Variants in CDK5RAP2 observed in about 807,000 individuals in gnomAD.
The protein encoded by CDK5RAP2 is CDK5 regulatory subunit-associated protein 2.
CDK5RAP2 carries 147 observed loss-of-function variants against 232.9 expected under a neutral mutation model. The ratio of observed to expected loss-of-function variants is 0.63; its 90% CI spans 0.55 to 0.72. The LOEUF is 0.72. Ranked by LOEUF, CDK5RAP2 falls within the 30% of genes least tolerant of loss-of-function variation. The pLI is 0.00. For missense variants in CDK5RAP2, 2,195 were observed against 2,231.5 expected, an observed-to-expected ratio of 0.98 and a Z score of 0.33; for synonymous variants, 833 against 833.7, an observed-to-expected ratio of 1.00 and a Z score of 0.01.
At chr9:120,438,087 A>G (rs1227572921) in intron 24 of CDK5RAP2, among the ~76,000 whole-genome samples, 1 of 152,254 alleles carries the variant, frequency 6.6e-6, no homozygotes, top group African/African-American at 2.4e-5. Flanking sequence ...TTACAGAAGA[A>G]TAAACTGACT....
At chr9:120,437,635 C>A in intron 24 of CDK5RAP2, 108 bp from the exon 25 acceptor site, 1 of 808,550 alleles carries the variant, frequency 1.2e-6, no homozygotes, top group Middle Eastern at 2.2e-4. Flanking sequence ...AAGCCTGCAG[C>A]TGTACAAGTA....
intron 25 of CDK5RAP2, among the ~76,000 whole-genome samples, chr9:120,432,329 C>T (rs958266208): frequency 6.6e-6 from 1 of 152,160 alleles, no homozygotes; most frequent in Admixed American, 6.5e-5. Context: ...AAGGTCTGGG[C>T]ATATATACTC....
At chr9:120,470,243 A>T in intron 16 of CDK5RAP2, 23 bp from the exon 17 acceptor site, 2 of 1,165,354 alleles carry the variant, frequency 1.7e-6, no homozygotes, top group Non-Finnish European at 1.2e-6. Flanking sequence ...GAAAAAAAAA[A>T]GGTGGGGAGG....
At chr9:120,420,107 T>A (rs1047400118) in intron 26 of CDK5RAP2, 147 bp from the exon 27 acceptor site, 1 of 700,536 alleles carries the variant, frequency 1.4e-6, no homozygotes, top group African/African-American at 1.8e-5. Flanking sequence ...CCCTACAGCA[T>A]TAAGCAATGA....
intron 12 of CDK5RAP2, among the ~76,000 whole-genome samples, chr9:120,512,312 A>G (rs764128567): frequency 1.3e-5 from 2 of 152,204 alleles, no homozygotes; most frequent in Non-Finnish European, 2.9e-5. Flanking sequence ...TCGTGCCACT[A>G]CACAACAGCC....
In CDK5RAP2 at chr9:120,471,754, G is replaced by A. The variant is rs367955715; in HGVS notation, c.1852C>T (p.Arg618Trp). Residue 618 changes from arginine (R) to tryptophan (W), a missense_variant, in exon 16 of 38, where the codon CGG becomes TGG. By Grantham distance (101) the Arg-to-Trp change is moderately radical. Transcript: ENST00000349780. ...LEEQISEIRRREEESFSLYSD... is the reference protein window; with the variant it reads ...LEEQISEIRRWEEESFSLYSD... Reference sequence around the variant, plus strand: ...CATAGAATAAAGTGTGTACCTTCCCGCCTCCGAATTTCGCTGATCTGCTCC... The same window carrying A: ...CATAGAATAAAGTGTGTACCTTCCCACCTCCGAATTTCGCTGATCTGCTCC... The A allele has an allele frequency of 8.1e-5, 130 of 1,614,038 alleles. 2 individuals are homozygous for A. Among genetic ancestry groups the A allele is most frequent in the East Asian group, 6.9e-4 (31 of 44,870 alleles).
intron 12 of CDK5RAP2, among the ~76,000 whole-genome samples, chr9:120,492,360 A>G (rs552012073): frequency 6.6e-6 from 1 of 152,310 alleles, no homozygotes; most frequent in East Asian, 1.9e-4. Context: ...CAGAGACCCA[A>G]GAGAAATAAG....
intron 1 of CDK5RAP2, among the ~76,000 whole-genome samples, chr9:120,579,714 C>T (rs2043169342): frequency 6.6e-6 from 1 of 152,248 alleles, no homozygotes; most frequent in Non-Finnish European, 1.5e-5. Flanking sequence ...CGCAATGCTA[C>T]TGGCAATTGT....
intron 3 of CDK5RAP2, among the ~76,000 whole-genome samples, chr9:120,567,768 C>T (rs934678132): frequency 5.9e-5 from 9 of 152,284 alleles, no homozygotes; most frequent in African/African-American, 2.2e-4. Flanking sequence ...AGGGGAGGCA[C>T]AATGCAGTGG....
intron 12 of CDK5RAP2, among the ~76,000 whole-genome samples, chr9:120,511,797 G>A (rs1266020995): frequency 6.7e-6 from 1 of 149,474 alleles, no homozygotes; most frequent in Non-Finnish European, 1.5e-5. Flanking sequence ...GAGTGTAGTG[G>A]CACGATCTCA....
rs968885617 is a variant in CDK5RAP2, at chr9:120,407,111, G to T, written c.4864C>A (p.Gln1622Lys). 1.2e-6 allele frequency: 2 copies of T among 1,614,116 alleles called. No homozygotes were observed. The highest frequency in any genetic ancestry group is 2.7e-5 in the African/African-American group (2 of 75,056). Residue 1622 changes from glutamine (Q) to lysine (K), a missense_variant, in exon 32 of 38, where the codon CAG becomes AAG. By Grantham distance (53) the Gln-to-Lys change is moderately conservative. Transcript: ENST00000349780. ...SSTLQSRLKE[Q>K]LARGAEKAQE... ...GCCTTCTCTGCCCCCCTTGCCAGCT[G>T]TTCCTTGAGCCTGCTCTGCAGAGTG...
Position 120,400,897 on chromosome 9 carries a change from A to G in CDK5RAP2, c.5308-12T>C. On this transcript the variant is annotated splice_polypyrimidine_tract_variant and intron_variant, in intron 34 of 37. Coordinates refer to ENST00000349780, the MANE Select transcript of CDK5RAP2 (RefSeq NM_018249.6). ...GCTGGGTGTGGACCCTACACGGGGG[A>G]TATGAAGGCTGTTACGTGCAGTCTT... The G allele has an allele frequency of 6.2e-7, 1 of 1,614,026 alleles. No individual in the cohort carries two copies. The highest frequency in any genetic ancestry group is 1.1e-5 in the South Asian group (1 of 91,074).
In CDK5RAP2 at chr9:120,536,413, C is replaced by T; in HGVS notation, c.621G>A (p.Glu207=). 1 of 1,614,226 alleles carries T rather than the reference C, an allele frequency of 6.2e-7. No homozygotes were observed. Among genetic ancestry groups the T allele is most frequent in the Non-Finnish European group, 8.5e-7 (1 of 1,180,022 alleles). ...SKLSEMKKMH[E]GDLAMALVLD... Reference sequence around the variant, plus strand: ...GGACCAGAGCCATCGCCAAGTCCCCCTCGTGCATCTTCTTCATCTCTGAAA... The same window carrying T: ...GGACCAGAGCCATCGCCAAGTCCCCTTCGTGCATCTTCTTCATCTCTGAAA... Residue 207 remains glutamate, a synonymous_variant, in exon 7 of 38, where the codon GAG becomes GAA. Coordinates refer to ENST00000349780, the MANE Select transcript of CDK5RAP2 (RefSeq NM_018249.6).
chr9:120,422,642 T>C, intron 26 of CDK5RAP2, 51 bp downstream of exon 26: 1 of 1,401,790 alleles, frequency 7.1e-7, no homozygotes, highest in Non-Finnish European at 1.0e-6. Flanking sequence ...GGCAGGTAAA[T>C]CAGACCTAGA....
intron 11 of CDK5RAP2, among the ~76,000 whole-genome samples, chr9:120,519,859 T>C (rs1352237617): frequency 6.6e-6 from 1 of 151,960 alleles, no homozygotes; most frequent in Non-Finnish European, 1.5e-5. Context: ...AGTAGAGATA[T>C]ATCTAAGCAC....
Position 120,422,732 on chromosome 9 carries a change from A to G in CDK5RAP2, c.3965T>C (p.Val1322Ala), listed in dbSNP as rs996662703. ...LEKLFLNGKS[V>A]GVEMNTQNEL... is the part of the protein sequence containing the mutation. The stretch of plus-strand genomic sequence containing the variant: ...ATTCTGGGTGTTCATTTCCACTCCA[A>G]CTGATTTTCCTGGAAGCAGAAATAA... Residue 1322 changes from valine (V) to alanine (A), a missense_variant, in exon 26 of 38, where the codon GTT (valine) becomes GCT (alanine). By Grantham distance (64) the Val-to-Ala change is moderately conservative. Transcript: ENST00000349780. 6.2e-6 allele frequency: 10 copies of G among 1,612,696 alleles called. No individual in the cohort carries two copies. The highest frequency in any genetic ancestry group is 5.0e-5 in the Admixed American group (3 of 60,004).
At chr9:120,440,257 C>A (rs963825810) in intron 23 of CDK5RAP2, 6 of 460,414 alleles carry the variant, frequency 1.3e-5, no homozygotes, top group African/African-American at 9.8e-5. Flanking sequence ...CACACACACA[C>A]CCCCTAAAAT....
intron 36 of CDK5RAP2, among the ~76,000 whole-genome samples, chr9:120,394,280 G>A (rs1445159759): frequency 6.6e-6 from 1 of 152,168 alleles, no homozygotes; most frequent in Non-Finnish European, 1.5e-5. Context: ...CCACACGACT[G>A]TCTCCCAGTG....
chr9:120,557,768 CT>C (rs770030982), intron 3 of CDK5RAP2, among the ~76,000 whole-genome samples: 394 of 113,756 alleles, frequency 3.5e-3, no homozygotes, highest in Non-Finnish European at 4.6e-3. Flanking sequence ...CAAAAAAAAA[CT>C]TTTTTTTTTT....
Sources: gnomAD v4.1 joint callset for allele counts (sites outside exome capture counted in the v4.1 genomes callset) on GRCh38, gnomAD v4.1.1 for gene constraint, MANE v1.5 for transcripts, NCBI Gene and HGNC (gene_info 2026-07-23, HGNC 2026-07-21) for gene names.